Variants in BMPR1B observed in about 807,000 individuals in gnomAD.
The protein encoded by BMPR1B is bone morphogenetic protein receptor type 1B.
A neutral mutation model predicts 59.1 loss-of-function variants in BMPR1B; 12 were observed. The observed-to-expected ratio is 0.20, with a 90% CI of 0.13 to 0.33. The LOEUF (loss-of-function observed/expected upper bound fraction) is 0.33, where lower values mean the gene tolerates loss of function less well. Ranked by LOEUF, BMPR1B falls within the 10% of genes least tolerant of loss-of-function variation. The pLI is 1.00. For missense variants in BMPR1B, 550 were observed against 610.9 expected, an observed-to-expected ratio of 0.90 and a Z score of 1.05; for synonymous variants, 237 against 207.3, an observed-to-expected ratio of 1.14 and a Z score of -1.23.
intron 2 of BMPR1B, among the ~76,000 whole-genome samples, chr4:94,966,607 C>A (rs1030569286): frequency 2.0e-5 from 3 of 152,292 alleles, no homozygotes; most frequent in African/African-American, 4.8e-5. Context: ...AGTGGACGTT[C>A]TTTAAACAAT....
At chr4:94,858,482 G>A (rs1396863567) in intron 1 of BMPR1B, among the ~76,000 whole-genome samples, 1 of 152,064 alleles carries the variant, frequency 6.6e-6, no homozygotes, top group Non-Finnish European at 1.5e-5. Context: ...TTCTATTATA[G>A]AATTTTGGAT....
At chr4:94,897,027 T>C (rs542705540) in intron 2 of BMPR1B, among the ~76,000 whole-genome samples, 1 of 152,046 alleles carries the variant, frequency 6.6e-6, no homozygotes, top group Non-Finnish European at 1.5e-5. Flanking sequence ...AAGCCTGAGA[T>C]ATTTTTCCTC....
chr4:95,146,168 A>C (rs1343383662), intron 10 of BMPR1B, among the ~76,000 whole-genome samples: 1 of 152,198 alleles, frequency 6.6e-6, no homozygotes, highest in Non-Finnish European at 1.5e-5. Context: ...GAGAAGATTT[A>C]TTCAGCTACT....
At chr4:95,060,842 C>G (rs1442158328) in intron 3 of BMPR1B, among the ~76,000 whole-genome samples, 1 of 152,100 alleles carries the variant, frequency 6.6e-6, no homozygotes, top group African/African-American at 2.4e-5. Flanking sequence ...ATAACTCTTT[C>G]CTGCTTCTGC....
intron 3 of BMPR1B, among the ~76,000 whole-genome samples, chr4:95,012,224 C>T (rs1010832903): frequency 6.6e-6 from 1 of 152,084 alleles, no homozygotes; most frequent in African/African-American, 2.4e-5. Context: ...CTTTGAAATT[C>T]ATTAGCCATT....
rs767360698 is a variant in BMPR1B at position 94,778,813 on chromosome 4, T to C, written c.-183+20745T>C. On this transcript the variant is annotated intron_variant, in intron 1 of 12. Transcript: ENST00000515059. ...TCATGCATTTTGTCCATTTGTTCTTTTCCTCTGCCAACTTTGTGAAGTGCC... is the reference window on the plus strand; with the variant it reads ...TCATGCATTTTGTCCATTTGTTCTTCTCCTCTGCCAACTTTGTGAAGTGCC... Among the ~76,000 whole-genome samples, 61 of 152,318 alleles carry C rather than the reference T, an allele frequency of 4.0e-4. 1 individual carries two copies. The highest frequency in any genetic ancestry group is 3.3e-4 in the Admixed American group (5 of 15,302).
At chr4:94,909,080 C>T (rs928594957) in intron 2 of BMPR1B, among the ~76,000 whole-genome samples, 4 of 152,042 alleles carry the variant, frequency 2.6e-5, no homozygotes, top group African/African-American at 9.7e-5. Flanking sequence ...TTTGTGGCTG[C>T]ATCACTCCAG....
intron 4 of BMPR1B, among the ~76,000 whole-genome samples, chr4:95,108,950 C>T (rs1731406173): frequency 6.6e-6 from 1 of 152,058 alleles, no homozygotes; most frequent in African/African-American, 2.4e-5. Context: ...TGGCTTTCAA[C>T]ATGCCAGTGT....
At chr4:95,143,965 G>T (rs1734439713) in intron 10 of BMPR1B, among the ~76,000 whole-genome samples, 1 of 151,606 alleles carries the variant, frequency 6.6e-6, no homozygotes, top group African/African-American at 2.4e-5. Context: ...ATGGAAGATA[G>T]TACATAAAAT....
intron 1 of BMPR1B, among the ~76,000 whole-genome samples, chr4:94,867,244 G>T (rs1726284853): frequency 6.6e-6 from 1 of 152,086 alleles, no homozygotes; most frequent in Non-Finnish European, 1.5e-5. Context: ...TATATAGCAA[G>T]TCTTTCACCT....
At chr4:94,891,549 A>T (rs1727393655) in intron 2 of BMPR1B, among the ~76,000 whole-genome samples, 1 of 152,094 alleles carries the variant, frequency 6.6e-6, no homozygotes, top group African/African-American at 2.4e-5. Flanking sequence ...TGGTTTTTGA[A>T]GTGGCAGTAA....
intron 1 of BMPR1B, among the ~76,000 whole-genome samples, chr4:94,791,024 G>T (rs1384570254): frequency 6.6e-6 from 1 of 152,128 alleles, no homozygotes; most frequent in Non-Finnish European, 1.5e-5. Context: ...GTCTTGCTCT[G>T]TTACCTAGGC....
intron 3 of BMPR1B, among the ~76,000 whole-genome samples, chr4:95,018,116 A>G (rs993168056): frequency 6.6e-6 from 1 of 152,210 alleles, no homozygotes; most frequent in Non-Finnish European, 1.5e-5. Context: ...ATATTTAGTG[A>G]TGAAATATAA....
Position 95,053,799 on chromosome 4 carries a change from A to G in BMPR1B, c.-17-50609A>G, listed in dbSNP as rs182454989. On this transcript the variant is annotated intron_variant, in intron 3 of 12. Coordinates refer to ENST00000515059, the MANE Select transcript of BMPR1B (RefSeq NM_001203.3). ...CGTAACTTTCTATAAAGTACACTTG[A>G]GGTTGTTTATTTTATTTTATTTTTG... Among the ~76,000 whole-genome samples the G allele has an allele frequency of 2.2e-4, 34 of 152,236 alleles. No homozygotes were observed. The East Asian group carries it at 6.4e-3, about 29-fold the overall frequency.
intron 3 of BMPR1B, among the ~76,000 whole-genome samples, chr4:95,017,192 G>A (rs966987263): frequency 6.6e-6 from 1 of 152,182 alleles, no homozygotes; most frequent in African/African-American, 2.4e-5. Flanking sequence ...TCTTCAGCAA[G>A]CCATGCAAGC....
intron 1 of BMPR1B, 97 bp from the exon 2 acceptor site, chr4:94,875,734 T>G (rs1726702270): frequency 6.6e-6 from 1 of 152,636 alleles, no homozygotes; most frequent in South Asian, 2.1e-4. Context: ...CCCAATTCCA[T>G]TATGTATTAC....
intron 3 of BMPR1B, among the ~76,000 whole-genome samples, chr4:95,101,052 G>C (rs1471314552): frequency 6.6e-6 from 1 of 152,134 alleles, no homozygotes; most frequent in Non-Finnish European, 1.5e-5. Flanking sequence ...TGGAAGCTCT[G>C]TTGTCACCAG....
chr4:94,995,573 C>T (rs1279937324), intron 2 of BMPR1B, among the ~76,000 whole-genome samples: 2 of 152,160 alleles, frequency 1.3e-5, no homozygotes, highest in African/African-American at 4.8e-5. Context: ...TGTTGTTTGG[C>T]CGAAACAAAG....
chr4:95,132,643 C>T (rs1034711601), intron 10 of BMPR1B, among the ~76,000 whole-genome samples: 2 of 151,272 alleles, frequency 1.3e-5, no homozygotes, highest in Non-Finnish European at 2.9e-5. Context: ...ACCTACAACC[C>T]TTTTCAAGTC....
Sources: gnomAD v4.1 joint callset for allele counts (sites outside exome capture counted in the v4.1 genomes callset) on GRCh38, gnomAD v4.1.1 for gene constraint, MANE v1.5 for transcripts, NCBI Gene and HGNC (gene_info 2026-07-23, HGNC 2026-07-21) for gene names.